The following TRAPPC9 variants were observed in gnomAD, a reference collection of about 807,000 sequenced individuals.
TRAPPC9 encodes the protein IKK2 binding protein.
A neutral mutation model predicts 124.0 loss-of-function variants in TRAPPC9; 83 were observed. The observed-to-expected ratio is 0.67, with a 90% CI of 0.56 to 0.80. The LOEUF (loss-of-function observed/expected upper bound fraction) is 0.80, where lower values mean the gene tolerates loss of function less well. Among genes scored for constraint, TRAPPC9 ranks in the 30% least tolerant of loss-of-function variants. The pLI is 0.00. For missense variants in TRAPPC9, 1,302 were observed against 1,508.3 expected, an observed-to-expected ratio of 0.86 and a Z score of 2.27; for synonymous variants, 638 against 617.5, an observed-to-expected ratio of 1.03 and a Z score of -0.49.
chr8:140,056,586 G>C (rs556630042), intron 17 of TRAPPC9, among the ~76,000 whole-genome samples: 1 of 151,856 alleles, frequency 6.6e-6, no homozygotes, highest in Non-Finnish European at 1.5e-5. Context: ...TTAACAAATG[G>C]TGCAGGGAAA....
chr8:140,279,469 ATATATACAT>A lies in TRAPPC9; in HGVS notation c.2115-3657_2115-3649del, dbSNP rs753984565. 1.5e-4 allele frequency among the ~76,000 whole-genome samples: 23 copies of A among 152,238 alleles called. 1 individual carries two copies. The highest frequency in any genetic ancestry group is 1.3e-4 in the Non-Finnish European group (9 of 68,044). On this transcript the variant is annotated intron_variant, in intron 14 of 22. Transcript: ENST00000438773. ...TATTTCAGGAAGTCACCTTAGAAAA[ATATATACAT>A]TATATACAATTTTTTAAAATAAGAA...
chr8:139,987,605 G>A (rs188565388), intron 19 of TRAPPC9, among the ~76,000 whole-genome samples: 100 of 152,136 alleles, frequency 6.6e-4, no homozygotes, highest in Non-Finnish European at 1.3e-3. Context: ...CTAGGATGTG[G>A]GTATGCCAGT....
At chr8:139,792,446 C>A (rs1822762311) in intron 21 of TRAPPC9, among the ~76,000 whole-genome samples, 1 of 152,216 alleles carries the variant, frequency 6.6e-6, no homozygotes, top group African/African-American at 2.4e-5. Flanking sequence ...GCGTGTGGGC[C>A]TGGCATGGTG....
chr8:139,769,136 C>G (rs1820781136), intron 21 of TRAPPC9, among the ~76,000 whole-genome samples: 1 of 152,150 alleles, frequency 6.6e-6, no homozygotes, highest in African/African-American at 2.4e-5. Flanking sequence ...CTACAGTAAC[C>G]CTGTTATCCT....
chr8:139,802,809 G>A (rs1823632196), intron 21 of TRAPPC9, among the ~76,000 whole-genome samples: 3 of 152,296 alleles, frequency 2.0e-5, no homozygotes, highest in South Asian at 4.1e-4. Flanking sequence ...GGCATTAGCG[G>A]GGTGTGGAAT....
intron 17 of TRAPPC9, among the ~76,000 whole-genome samples, chr8:140,076,232 A>C (rs561094305): frequency 5.9e-5 from 9 of 152,302 alleles, no homozygotes; most frequent in Non-Finnish European, 1.2e-4. Flanking sequence ...TGGCCTATAA[A>C]TGTCCACTTG....
intron 17 of TRAPPC9, among the ~76,000 whole-genome samples, chr8:140,174,377 G>A (rs1277199344): frequency 5.4e-5 from 7 of 130,800 alleles, no homozygotes; most frequent in South Asian, 2.7e-4. Flanking sequence ...ACCCCCAAAC[G>A]TAAAAGTTAA....
intron 17 of TRAPPC9, among the ~76,000 whole-genome samples, chr8:140,048,989 G>A (rs1841801694): frequency 6.6e-6 from 1 of 152,260 alleles, no homozygotes; most frequent in South Asian, 2.1e-4. Context: ...AACACGAGAA[G>A]CTGAGGCGGA....
intron 17 of TRAPPC9, among the ~76,000 whole-genome samples, chr8:140,091,939 C>T (rs1487732707): frequency 1.3e-5 from 2 of 151,946 alleles, no homozygotes; most frequent in Admixed American, 6.6e-5. Flanking sequence ...ACCCATCTCC[C>T]GCCGGCCCCA....
chr8:140,395,479 G>C (rs910192651), intron 7 of TRAPPC9, among the ~76,000 whole-genome samples: 22 of 152,178 alleles, frequency 1.4e-4, no homozygotes, highest in Admixed American at 5.9e-4. Flanking sequence ...TATCCAGTCT[G>C]TGTGCTCAAC....
intron 20 of TRAPPC9, among the ~76,000 whole-genome samples, chr8:139,909,828 G>A (rs778857569): frequency 1.3e-5 from 2 of 152,190 alleles, no homozygotes; most frequent in Admixed American, 1.3e-4. Context: ...CCCTGAGCCC[G>A]GCACTGATAG....
chr8:140,427,376 C>G lies in TRAPPC9; in HGVS notation c.860-735G>C, dbSNP rs543932413. On this transcript the variant is annotated intron_variant, in intron 4 of 22. Transcript: ENST00000438773. ...TACATCTCTCTATATATATATCTCT[C>G]TCTCACACACACACACACACACACA... Among the ~76,000 whole-genome samples the G allele has an allele frequency of 6.1e-4, 88 of 143,714 alleles. No homozygotes were observed. The East Asian group carries it at 0.023, about 37-fold the overall frequency. 94.3% of individuals were successfully genotyped at this position (143,714 alleles called of 152,430 possible). A position where few individuals can be genotyped will look rare whatever the true frequency, so the allele number is the denominator to read the frequency against.
chr8:139,869,515 C>T (rs1828760228), intron 21 of TRAPPC9, among the ~76,000 whole-genome samples: 2 of 152,170 alleles, frequency 1.3e-5, no homozygotes, highest in Non-Finnish European at 2.9e-5. Context: ...TGTGATTCAC[C>T]TCTCAAACCC....
chr8:139,784,973 T>C (rs1822120246), intron 21 of TRAPPC9, among the ~76,000 whole-genome samples: 2 of 152,140 alleles, frequency 1.3e-5, no homozygotes, highest in Non-Finnish European at 2.9e-5. Context: ...AGAAGATTCA[T>C]ATGGAAATAC....
At chr8:139,947,745 G>C (rs1438989220) in intron 19 of TRAPPC9, among the ~76,000 whole-genome samples, 2 of 150,624 alleles carry the variant, frequency 1.3e-5, no homozygotes, top group Admixed American at 1.3e-4. Context: ...GCGGGCACCT[G>C]TAATCCCAGC....
chr8:139,749,209 A>G (rs1819150603), intron 21 of TRAPPC9, among the ~76,000 whole-genome samples: 1 of 152,078 alleles, frequency 6.6e-6, no homozygotes, highest in Non-Finnish European at 1.5e-5. Context: ...CACCTGCTCC[A>G]GGAAGACTTC....
chr8:140,251,276 C>G (rs1342351142), intron 16 of TRAPPC9, among the ~76,000 whole-genome samples: 1 of 152,206 alleles, frequency 6.6e-6, no homozygotes, highest in African/African-American at 2.4e-5. Context: ...GCCAAACCCC[C>G]TTCTTGGGAA....
chr8:139,860,367 G>A (rs1386364311), intron 21 of TRAPPC9, among the ~76,000 whole-genome samples: 1 of 152,198 alleles, frequency 6.6e-6, no homozygotes. Flanking sequence ...ACCTCAGGGA[G>A]CCACTGGCCA....
chr8:140,269,218 C>A (rs2064795463), intron 15 of TRAPPC9, among the ~76,000 whole-genome samples: 1 of 150,172 alleles, frequency 6.7e-6, no homozygotes, highest in African/African-American at 2.5e-5. Context: ...CTGAAAACTG[C>A]AACTTACTTT....
Sources: gnomAD v4.1 joint callset for allele counts (sites outside exome capture counted in the v4.1 genomes callset) on GRCh38, gnomAD v4.1.1 for gene constraint, MANE v1.5 for transcripts, NCBI Gene and HGNC (gene_info 2026-07-23, HGNC 2026-07-21) for gene names.